Variants in ARFGEF1 observed in about 807,000 individuals in gnomAD.
The protein encoded by ARFGEF1 is ARF guanine nucleotide exchange factor 1.
Under a neutral mutation model 231.0 loss-of-function variants are expected in ARFGEF1, and 42 were observed. The ratio of observed to expected loss-of-function variants is 0.18; its 90% CI spans 0.14 to 0.24. ARFGEF1 has a LOEUF of 0.24. ARFGEF1 is among the 10% of genes least tolerant of loss of function. ARFGEF1 has a pLI of 1.00. For synonymous variants in ARFGEF1, 710 were observed against 732.3 expected (o/e 0.97, Z 0.49); for missense variants, 1,345 against 2,192.0 (o/e 0.61, Z 7.72).
chr8:67,252,115 CA>C (rs1307123664), intron 18 of ARFGEF1, among the ~76,000 whole-genome samples: 2 of 151,554 alleles, frequency 1.3e-5, no homozygotes, highest in Non-Finnish European at 2.9e-5. Flanking sequence ...ACTAAAAATA[CA>C]AAAAAATTAG....
chr8:67,196,205 C>T (rs1837905826), downstream of ARFGEF1: 1 of 152,202 alleles, frequency 6.6e-6, no homozygotes, highest in Non-Finnish European at 1.5e-5. Flanking sequence ...TGTCTTGTTA[C>T]TAATTACATG....
At chr8:67,282,681 A>G (rs1440135833) in intron 7 of ARFGEF1, among the ~76,000 whole-genome samples, 1 of 151,916 alleles carries the variant, frequency 6.6e-6, no homozygotes, top group Non-Finnish European at 1.5e-5. Context: ...CCCCGTCTCT[A>G]CCAAAAAAAT....
chr8:67,218,665 T>C (rs991241366), intron 30 of ARFGEF1, among the ~76,000 whole-genome samples: 3 of 152,008 alleles, frequency 2.0e-5, no homozygotes, highest in Non-Finnish European at 4.4e-5. Context: ...TAAAAAATAA[T>C]TGCAGAAGTC....
chr8:67,271,157 T>G (rs181052500), intron 10 of ARFGEF1, among the ~76,000 whole-genome samples: 3 of 150,858 alleles, frequency 2.0e-5, no homozygotes, highest in Admixed American at 6.6e-5. Context: ...TAGGACCACA[T>G]GATTGCTATT....
rs989246855 is a variant in ARFGEF1, at chr8:67,186,962, C to A, written c.561-11390G>T. ...CCCCAAGGAATACTGAGGTATAAAT[C>A]TATCTATCATCTATCTATCTATCTA... On this transcript the variant is annotated intron_variant, in intron 5 of 5. Coordinates refer to the ARFGEF1 transcript ENST00000518789. Among the ~76,000 whole-genome samples, 3 of 145,714 alleles carry A rather than the reference C, an allele frequency of 2.1e-5. No individual in the cohort carries two copies. The Admixed American group carries it at 2.1e-4, about 10-fold the overall frequency.
chr8:67,278,651 G>A (rs1343256509), intron 7 of ARFGEF1, among the ~76,000 whole-genome samples: 1 of 152,034 alleles, frequency 6.6e-6, no homozygotes, highest in African/African-American at 2.4e-5. Context: ...TTCGAGACTA[G>A]CCTGGCCAAC....
intron 1 of ARFGEF1, among the ~76,000 whole-genome samples, chr8:67,321,571 C>T (rs1417158393): frequency 1.3e-5 from 2 of 152,198 alleles, no homozygotes; most frequent in Admixed American, 1.3e-4. Context: ...CGCTATTCTC[C>T]TGCCTCAGCC....
intron 5 of ARFGEF1, chr8:67,190,762 A>T: frequency 1.3e-6 from 2 of 1,593,568 alleles, no homozygotes; most frequent in East Asian, 2.2e-5. Flanking sequence ...TAGACATTGT[A>T]TGTATGAGAC....
At chr8:67,226,514 T>C in intron 27 of ARFGEF1, among the ~76,000 whole-genome samples, 1 of 152,066 alleles carries the variant, frequency 6.6e-6, no homozygotes, top group Non-Finnish European at 1.5e-5. Context: ...AAAATGGAAA[T>C]AATAATAATA....
chr8:67,182,454 C>A (rs1285713961), intron 5 of ARFGEF1, among the ~76,000 whole-genome samples: 1 of 152,136 alleles, frequency 6.6e-6, no homozygotes, highest in African/African-American at 2.4e-5. Flanking sequence ...AATAGGTGTA[C>A]AATTATCTGT....
chr8:67,298,449 A>G (rs189174679), intron 4 of ARFGEF1, among the ~76,000 whole-genome samples: 8 of 152,308 alleles, frequency 5.3e-5, no homozygotes, highest in African/African-American at 1.4e-4. Context: ...GGGTGCAACG[A>G]TATCAGGAGA....
Position 67,199,118 on chromosome 8 carries a change from C to T in ARFGEF1, c.5386-20G>A. ...TTTAAACTGCAGGGAAAATGAATTT[C>T]TCCATTAGTAGTGATTGCAAACTGC... On this transcript the variant is annotated intron_variant, in intron 38 of 38. Coordinates refer to ENST00000262215, the MANE Select transcript of ARFGEF1 (RefSeq NM_006421.5). 6.2e-7 allele frequency: 1 copy of T among 1,601,602 alleles called. No individual in the cohort carries two copies. The highest frequency in any genetic ancestry group is 1.1e-5 in the South Asian group (1 of 88,608).
intron 1 of ARFGEF1, among the ~76,000 whole-genome samples, chr8:67,340,246 G>T (rs1427496285): frequency 6.6e-6 from 1 of 152,178 alleles, no homozygotes; most frequent in Non-Finnish European, 1.5e-5. Context: ...TCAGCTGTAT[G>T]CTCAATAAAT....
chr8:67,334,270 A>T (rs1293527738), intron 1 of ARFGEF1, among the ~76,000 whole-genome samples: 5 of 149,996 alleles, frequency 3.3e-5, no homozygotes, highest in Non-Finnish European at 5.9e-5. Context: ...TGTATATGCA[A>T]ATATTCCAAA....
intron 1 of ARFGEF1, among the ~76,000 whole-genome samples, chr8:67,329,529 AAAAT>A (rs755348912): frequency 0.054 from 7,882 of 145,966 alleles, 253 homozygotes; most frequent in Non-Finnish European, 0.079. Flanking sequence ...ACTCCATCTC[AAAAT>A]AAATAAATAA....
At chr8:67,266,735 C>T (rs1314416510) in intron 13 of ARFGEF1, 141 bp downstream of exon 13, 4 of 554,050 alleles carry the variant, frequency 7.2e-6, no homozygotes, top group Non-Finnish European at 1.2e-5. Flanking sequence ...TAAAGCTAGA[C>T]ATTTAACTCA....
At chr8:67,342,471 G>C (rs1006123807) in intron 1 of ARFGEF1, among the ~76,000 whole-genome samples, 3 of 152,004 alleles carry the variant, frequency 2.0e-5, no homozygotes, top group Non-Finnish European at 4.4e-5. Context: ...CCCTTCCCTT[G>C]TCACCTAAAG....
intron 34 of ARFGEF1, among the ~76,000 whole-genome samples, chr8:67,209,007 A>G (rs1838624751): frequency 6.6e-6 from 1 of 152,252 alleles, no homozygotes; most frequent in Non-Finnish European, 1.5e-5. Flanking sequence ...TGGTGCAGCC[A>G]CTGGCTATAG....
At position 67,287,655 on chromosome 8, in the gene ARFGEF1, C is replaced by T. The variant is rs569656217; in HGVS notation, c.1027+300G>A. Among the ~76,000 whole-genome samples, 28 of 152,268 alleles carry T rather than the reference C, an allele frequency of 1.8e-4. No individual in the cohort carries two copies. In the South Asian group the frequency reaches 4.8e-3, roughly 26 times the overall value. On this transcript the variant is annotated intron_variant, in intron 7 of 38. Transcript: ENST00000262215. The stretch of plus-strand genomic sequence containing the variant: ...ATCCATATTTTTGTCTCCATTTAGA[C>T]GGTTTCTGTCCTATCCAGGCTTTGA...
Sources: gnomAD v4.1 joint callset for allele counts (sites outside exome capture counted in the v4.1 genomes callset) on GRCh38, gnomAD v4.1.1 for gene constraint, MANE v1.5 for transcripts, NCBI Gene and HGNC (gene_info 2026-07-23, HGNC 2026-07-21) for gene names.